Variants in FBXO34 observed in about 807,000 individuals in gnomAD.
The protein encoded by FBXO34 is F-box protein 34, also known as F-box only protein 34.
In FBXO34, 12 loss-of-function variants were observed where a neutral mutation model predicts 24.5. That is an observed-to-expected ratio of 0.49 (90% CI 0.31 to 0.79). FBXO34 has a LOEUF of 0.79. FBXO34 is among the 30% of genes least tolerant of loss of function. The pLI is 0.04. For synonymous variants in FBXO34, 320 were observed against 311.9 expected (o/e 1.03, Z -0.27); for missense variants, 823 against 857.7 (o/e 0.96, Z 0.51).
chr14:55,307,553 A>G (rs1270521226), intron 1 of FBXO34, among the ~76,000 whole-genome samples: 1 of 152,194 alleles, frequency 6.6e-6, no homozygotes, highest in African/African-American at 2.4e-5. Flanking sequence ...ACTTCACTGC[A>G]CATCTTTACC....
chr14:55,348,504 A>T (rs1884233980), intron 1 of FBXO34, among the ~76,000 whole-genome samples: 1 of 152,066 alleles, frequency 6.6e-6, no homozygotes, highest in Non-Finnish European at 1.5e-5. Context: ...TTTGCTCCAC[A>T]TTTACTGAGT....
the FBXO34 span, among the ~76,000 whole-genome samples, chr14:55,380,114 C>T: frequency 9.2e-5 from 14 of 151,836 alleles, no homozygotes; most frequent in South Asian, 2.7e-3. Flanking sequence ...CAGGCGTGGT[C>T]GTGGGTGCCT....
At chr14:55,293,362 G>A (rs1882010632) in intron 1 of FBXO34, among the ~76,000 whole-genome samples, 1 of 152,004 alleles carries the variant, frequency 6.6e-6, no homozygotes, top group East Asian at 1.9e-4. Flanking sequence ...GTTTTTAGTA[G>A]AAGATGGGGT....
At chr14:55,423,624 C>A in the FBXO34 span, among the ~76,000 whole-genome samples, 3 of 152,162 alleles carry the variant, frequency 2.0e-5, no homozygotes, top group African/African-American at 4.8e-5. Flanking sequence ...TCTTTTTCAG[C>A]AGTTGGGGAA....
At chr14:55,353,685 G>T (rs749842266), downstream of FBXO34, 1 of 166,438 alleles carries the variant, frequency 6.0e-6, no homozygotes, top group Non-Finnish European at 1.5e-5. Context: ...TGAATCATAA[G>T]AATTTTTTAA....
At chr14:55,276,147 C>T (rs1881335521) in intron 1 of FBXO34, among the ~76,000 whole-genome samples, 1 of 152,212 alleles carries the variant, frequency 6.6e-6, no homozygotes, top group South Asian at 2.1e-4. Context: ...CACTCTCAGG[C>T]ATGCATATAC....
At chr14:55,307,622 G>T (rs1366375103) in intron 1 of FBXO34, among the ~76,000 whole-genome samples, 2 of 152,208 alleles carry the variant, frequency 1.3e-5, no homozygotes, top group Non-Finnish European at 2.9e-5. Flanking sequence ...TGTTTAAGTT[G>T]CTGAGAGATA....
At chr14:55,430,171 C>A in the FBXO34 span, among the ~76,000 whole-genome samples, 1 of 152,066 alleles carries the variant, frequency 6.6e-6, no homozygotes. Flanking sequence ...GGTAGCAACA[C>A]CTGCAGGGTG....
At chr14:55,309,906 T>C (rs1011223009) in intron 1 of FBXO34, among the ~76,000 whole-genome samples, 1 of 152,178 alleles carries the variant, frequency 6.6e-6, no homozygotes, top group African/African-American at 2.4e-5. Context: ...GGGATTTGCA[T>C]TGAGTTACAA....
the FBXO34 span, chr14:55,380,638 T>C: frequency 6.2e-7 from 1 of 1,613,592 alleles, no homozygotes; most frequent in Non-Finnish European, 8.5e-7. Flanking sequence ...CCAGCTGAGT[T>C]GCATAGCACA....
chr14:55,281,506 G>A (rs909412923), intron 1 of FBXO34, among the ~76,000 whole-genome samples: 1 of 152,166 alleles, frequency 6.6e-6, no homozygotes, highest in Non-Finnish European at 1.5e-5. Context: ...CTCTCCAAAT[G>A]AGAACCTGCT....
the FBXO34 span, among the ~76,000 whole-genome samples, chr14:55,406,869 T>C: frequency 6.6e-6 from 1 of 152,204 alleles, no homozygotes; most frequent in African/African-American, 2.4e-5. Context: ...ATTTGCTTTA[T>C]ATTTTTCTGC....
chr14:55,369,451 A>T (rs2140114366), downstream of FBXO34: 1 of 610,764 alleles, frequency 1.6e-6, no homozygotes, highest in South Asian at 4.8e-5. Context: ...ATCACAGGCC[A>T]CTTGGCAAAT....
intron 1 of FBXO34, among the ~76,000 whole-genome samples, chr14:55,295,416 CAG>C (rs1222756814): frequency 1.8e-5 from 2 of 109,120 alleles, no homozygotes; most frequent in Admixed American, 1.3e-4. Context: ...TTTTTGGAGA[CAG>C]AGTCTCTCGT....
chr14:55,439,762 C>A, the FBXO34 span, among the ~76,000 whole-genome samples: 1 of 151,720 alleles, frequency 6.6e-6, no homozygotes, highest in Admixed American at 6.6e-5. Context: ...AACACTGTCT[C>A]TACTAAAAAT....
chr14:55,431,587 T>A, the FBXO34 span, among the ~76,000 whole-genome samples: 1 of 152,238 alleles, frequency 6.6e-6, no homozygotes, highest in Non-Finnish European at 1.5e-5. Flanking sequence ...AACTGTCCAA[T>A]AATCACTTTA....
At chr14:55,296,546 C>T (rs1882139637) in intron 1 of FBXO34, among the ~76,000 whole-genome samples, 1 of 151,638 alleles carries the variant, frequency 6.6e-6, no homozygotes, top group African/African-American at 2.4e-5. Flanking sequence ...AGGCGCCTGC[C>T]ACCACACCCG....
At chr14:55,392,330 T>C in the FBXO34 span, among the ~76,000 whole-genome samples, 1 of 151,980 alleles carries the variant, frequency 6.6e-6, no homozygotes, top group Admixed American at 6.6e-5. Flanking sequence ...GACCCCTGCC[T>C]TAAAGTGAAC....
the FBXO34 span, among the ~76,000 whole-genome samples, chr14:55,398,562 ACAGG>A: frequency 6.6e-6 from 1 of 152,238 alleles, no homozygotes; most frequent in Non-Finnish European, 1.5e-5. Context: ...TTTCAGATAT[ACAGG>A]CTTTTCTAGG....
Sources: gnomAD v4.1 joint callset for allele counts (sites outside exome capture counted in the v4.1 genomes callset) on GRCh38, gnomAD v4.1.1 for gene constraint, MANE v1.5 for transcripts, NCBI Gene and HGNC (gene_info 2026-07-23, HGNC 2026-07-21) for gene names.